Variants in PEBP4 observed in about 807,000 individuals in gnomAD.
PEBP4 encodes the protein phosphatidylethanolamine-binding protein 4.
A neutral mutation model predicts 23.9 loss-of-function variants in PEBP4; 22 were observed. The ratio of observed to expected loss-of-function variants is 0.92; its 90% CI spans 0.66 to 1.31. The LOEUF (loss-of-function observed/expected upper bound fraction) is 1.31. Ranked by LOEUF, PEBP4 falls within the 40% of genes most tolerant of loss-of-function variation. The pLI is 0.00. For missense variants in PEBP4, 324 were observed against 281.7 expected, an observed-to-expected ratio of 1.15 and a Z score of -1.07; for synonymous variants, 112 against 99.3, an observed-to-expected ratio of 1.13 and a Z score of -0.76.
intron 4 of PEBP4, among the ~76,000 whole-genome samples, chr8:22,773,021 C>T (rs1327400723): frequency 1.3e-5 from 2 of 151,860 alleles, no homozygotes; most frequent in Non-Finnish European, 2.9e-5. Flanking sequence ...TGGCCTTCCC[C>T]ACCCCCTACC....
chr8:22,859,984 G>T (rs1302663011), intron 3 of PEBP4, among the ~76,000 whole-genome samples: 1 of 151,342 alleles, frequency 6.6e-6, no homozygotes, highest in Non-Finnish European at 1.5e-5. Flanking sequence ...GGGTATGATG[G>T]TGCACGCCTA....
chr8:22,923,668 C>T (rs992784862), intron 2 of PEBP4, among the ~76,000 whole-genome samples: 1 of 152,062 alleles, frequency 6.6e-6, no homozygotes, highest in African/African-American at 2.4e-5. Flanking sequence ...TTTGTGTCTC[C>T]TCAAAATTTA....
intron 3 of PEBP4, among the ~76,000 whole-genome samples, chr8:22,872,395 C>T (rs966817979): frequency 2.0e-5 from 3 of 152,202 alleles, no homozygotes; most frequent in African/African-American, 7.2e-5. Flanking sequence ...GGCCAAGAGA[C>T]AGGACCCCTT....
At chr8:22,864,847 C>T (rs956357272) in intron 3 of PEBP4, among the ~76,000 whole-genome samples, 2 of 152,226 alleles carry the variant, frequency 1.3e-5, no homozygotes, top group Non-Finnish European at 2.9e-5. Context: ...CGCTGGGCAC[C>T]GCCGAGCGCC....
rs185813522 is a variant in PEBP4 at position 22,720,452 on chromosome 8, G to A, written c.517+4391C>T. Reference sequence around the variant, plus strand: ...TGGGCAGGCAGATGTGAGCAAAGAAGTAGTTCAGGGACGTCTGGCAGTGTG... The same window carrying A: ...TGGGCAGGCAGATGTGAGCAAAGAAATAGTTCAGGGACGTCTGGCAGTGTG... On this transcript the variant is annotated intron_variant, in intron 6 of 6. Coordinates refer to ENST00000256404, the MANE Select transcript of PEBP4 (RefSeq NM_144962.3). 1.9e-3 allele frequency among the ~76,000 whole-genome samples: 296 copies of A among 152,362 alleles called. 1 individual carries two copies. Among genetic ancestry groups the A allele is most frequent in the Non-Finnish European group, 1.0e-4 (7 of 68,036 alleles).
chr8:22,918,499 A>C (rs189145527), intron 3 of PEBP4, among the ~76,000 whole-genome samples: 139 of 152,288 alleles, frequency 9.1e-4, no homozygotes, highest in African/African-American at 3.3e-3. Flanking sequence ...AACCAAATCA[A>C]ACCAAAGACT....
At chr8:22,930,047 C>CA (rs1809429974), upstream of PEBP4, among the ~76,000 whole-genome samples, 1 of 152,208 alleles carries the variant, frequency 6.6e-6, no homozygotes, top group Non-Finnish European at 1.5e-5. Flanking sequence ...CACTCTGTAG[C>CA]TGCTCCATTG....
At position 22,795,163 on chromosome 8, in the gene PEBP4, A is replaced by ATTTT. The variant is rs33911395; in HGVS notation, c.357+22470_357+22473dup. The stretch of plus-strand genomic sequence containing the variant: ...TGTGTGTATATATATATATATATAT[A>ATTTT]TTTTTTTTTTTTTTTTTTTTTTTTT... On this transcript the variant is annotated intron_variant, in intron 4 of 6. Transcript: ENST00000256404. 5.7e-3 allele frequency among the ~76,000 whole-genome samples: 270 copies of ATTTT among 47,354 alleles called. 54 individuals are homozygous for ATTTT. The highest frequency in any genetic ancestry group is 9.6e-3 in the Admixed American group (28 of 2,918). The allele number at this position is 47,354 out of a possible 152,430, so 31.1% of individuals were successfully genotyped here. A position where few individuals can be genotyped will look rare whatever the true frequency, so the allele number is the denominator to read the frequency against.
At chr8:22,927,746 G>A (rs1809379822) in intron 1 of PEBP4, 26 bp from the exon 2 acceptor site, 1 of 1,612,408 alleles carries the variant, frequency 6.2e-7, no homozygotes, top group African/African-American at 1.3e-5. Flanking sequence ...CTTTAGAGCG[G>A]CTGGATCCCC....
intron 4 of PEBP4, among the ~76,000 whole-genome samples, chr8:22,776,524 T>G (rs1805817905): frequency 6.6e-6 from 1 of 151,970 alleles, no homozygotes; most frequent in Non-Finnish European, 1.5e-5. Context: ...ACCACTGGTC[T>G]TTCGTTCCGG....
At chr8:22,875,163 C>T (rs866678621) in intron 3 of PEBP4, among the ~76,000 whole-genome samples, 6 of 152,034 alleles carry the variant, frequency 3.9e-5, no homozygotes, top group South Asian at 4.2e-4. Context: ...TTTTCGCCCC[C>T]GAGACTCAGG....
Position 22,795,163 on chromosome 8 carries a change from A to ATTTTT in PEBP4, c.357+22469_357+22473dup, listed in dbSNP as rs33911395. On this transcript the variant is annotated intron_variant, in intron 4 of 6. Transcript: ENST00000256404. ...TGTGTGTATATATATATATATATAT[A>ATTTTT]TTTTTTTTTTTTTTTTTTTTTTTTT... Among the ~76,000 whole-genome samples the ATTTTT allele has an allele frequency of 3.2e-3, 152 of 47,334 alleles. 17 individuals are homozygous for ATTTTT. Among genetic ancestry groups the ATTTTT allele is most frequent in the Non-Finnish European group, 3.4e-3 (101 of 29,354 alleles). 31.1% of individuals were successfully genotyped at this position (47,334 alleles called of 152,430 possible).
chr8:22,896,560 G>A (rs1288676791), intron 3 of PEBP4, among the ~76,000 whole-genome samples: 1 of 152,106 alleles, frequency 6.6e-6, no homozygotes, highest in Non-Finnish European at 1.5e-5. Context: ...CTGGCTCTGG[G>A]TATCTGGAGA....
rs982714292 is a variant in PEBP4 at position 22,743,449 on chromosome 8, G to A, written c.358-16229C>T. On this transcript the variant is annotated intron_variant, in intron 4 of 6. Transcript: ENST00000256404. ...CCCTCGGCCCTCATTTTATGGACCC[G>A]TTTCATCCTTACTTGTTCCCAAACC... Among the ~76,000 whole-genome samples, 6 of 152,172 alleles carry A rather than the reference G, an allele frequency of 3.9e-5. No individual in the cohort carries two copies. In the South Asian group the frequency reaches 6.2e-4, roughly 16 times the overall value.
At chr8:22,806,475 T>C (rs568270913) in intron 4 of PEBP4, among the ~76,000 whole-genome samples, 42 of 151,706 alleles carry the variant, frequency 2.8e-4, no homozygotes, top group African/African-American at 8.7e-4. Context: ...ATTAGCCAGG[T>C]GTGGTGGCAT....
At chr8:22,884,733 A>G (rs1043022597) in intron 3 of PEBP4, 3 of 152,164 alleles carry the variant, frequency 2.0e-5, no homozygotes, top group Non-Finnish European at 4.4e-5. Context: ...GCCTTCACAT[A>G]AGTTCAATTC....
At chr8:22,898,532 T>A (rs1808643189) in intron 3 of PEBP4, among the ~76,000 whole-genome samples, 1 of 149,018 alleles carries the variant, frequency 6.7e-6, no homozygotes, top group Non-Finnish European at 1.5e-5. Context: ...TGGCTCAATC[T>A]AATACTCAGG....
chr8:22,787,937 G>T (rs760515977), intron 4 of PEBP4, among the ~76,000 whole-genome samples: 1 of 152,150 alleles, frequency 6.6e-6, no homozygotes, highest in African/African-American at 2.4e-5. Context: ...AAGGGTTTAC[G>T]TTTCGTTGAT....
At chr8:22,924,537 A>G (rs1316293453) in intron 2 of PEBP4, 4 of 446,558 alleles carry the variant, frequency 9.0e-6, no homozygotes, top group Non-Finnish European at 1.2e-5. Context: ...TAGTTTGTGC[A>G]CCTCGTGGAT....
Sources: gnomAD v4.1 joint callset for allele counts (sites outside exome capture counted in the v4.1 genomes callset) on GRCh38, gnomAD v4.1.1 for gene constraint, MANE v1.5 for transcripts, NCBI Gene and HGNC (gene_info 2026-07-23, HGNC 2026-07-21) for gene names.